AKAP13: variants seen among roughly 807,000 people sequenced by gnomAD.
AKAP13 encodes the protein A-kinase anchoring protein 13, also known as A-kinase anchor protein 13.
AKAP13 carries 80 observed loss-of-function variants against 264.5 expected under a neutral mutation model. The ratio of observed to expected loss-of-function variants is 0.30; its 90% CI spans 0.25 to 0.36. The LOEUF is 0.36. Among genes scored for constraint, AKAP13 ranks in the 10% least tolerant of loss-of-function variants. The pLI is 1.00. For missense variants in AKAP13, 3,712 were observed against 3,435.2 expected, an observed-to-expected ratio of 1.08 and a Z score of -2.01; for synonymous variants, 1,380 against 1,250.2, an observed-to-expected ratio of 1.10 and a Z score of -2.19.
chr15:85,686,466 A>G (rs1281115617), intron 16 of AKAP13, among the ~76,000 whole-genome samples: 2 of 152,180 alleles, frequency 1.3e-5, no homozygotes, highest in African/African-American at 4.8e-5. Flanking sequence ...AACGTGCCAC[A>G]AGAATTGTGT....
chr15:85,401,296 G>A (rs567950786), intron 1 of AKAP13, among the ~76,000 whole-genome samples: 3 of 40,730 alleles, frequency 7.4e-5, no homozygotes, highest in African/African-American at 3.2e-4. Context: ...TAGTATACCT[G>A]ATTATTGAAC....
chr15:85,599,587 G>T (rs729858), intron 8 of AKAP13, among the ~76,000 whole-genome samples: 94,225 of 152,006 alleles, frequency 0.62, 29,357 homozygotes, highest in Middle Eastern at 0.72. Context: ...TCCCAGAAGG[G>T]GGGAGGTGGG....
At position 85,727,605 on chromosome 15, in the gene AKAP13, T is replaced by C. The variant is rs965560390; in HGVS notation, c.7087+142T>C. 1.2e-6 allele frequency: 1 copy of C among 822,340 alleles called. No individual in the cohort carries two copies. The highest frequency in any genetic ancestry group is 1.9e-6 in the Non-Finnish European group (1 of 521,150). The allele number at this position is 822,340 out of a possible 1,614,324, so 50.9% of individuals were successfully genotyped here. A position where few individuals can be genotyped will look rare whatever the true frequency, so the allele number is the denominator to read the frequency against. On this transcript the variant is annotated intron_variant, in intron 29 of 36. Transcript: ENST00000394518. The surrounding 1 kb of genome is among the most constrained non-coding windows in gnomAD (Gnocchi z 5.3). ...ACTTGAAAGCAGCAAAATGAATAGC[T>C]GTTAACAAAAGAGAAACCAAGGCCA...
intron 8 of AKAP13, among the ~76,000 whole-genome samples, chr15:85,629,619 C>G (rs898998323): frequency 6.6e-6 from 1 of 152,068 alleles, no homozygotes; most frequent in African/African-American, 2.4e-5. Context: ...GTATGCTCTC[C>G]ACAAATCACC....
At position 85,629,764 on chromosome 15, in the gene AKAP13, C is replaced by T. The variant is rs1363822481; in HGVS notation, c.4162-9610C>T. Among the ~76,000 whole-genome samples, 120 of 50,526 alleles carry T rather than the reference C, an allele frequency of 2.4e-3. 1 individual carries two copies. Among genetic ancestry groups the T allele is most frequent in the Admixed American group, 1.8e-3 (5 of 2,760 alleles). The allele number at this position is 50,526 out of a possible 152,430, so 33.1% of individuals were successfully genotyped here. On this transcript the variant is annotated intron_variant, in intron 8 of 36. Coordinates refer to ENST00000394518, the MANE Select transcript of AKAP13 (RefSeq NM_007200.5). ...GAAATATAATGAGTTCCTTTACAGC[C>T]TTTTTTTTTTTTTTTTTTTTTTTTT...
rs138268994 is a variant in AKAP13 at position 85,686,066 on chromosome 15, C to A, written c.5289+1193C>A. Among the ~76,000 whole-genome samples the A allele has an allele frequency of 4.5e-3, 687 of 152,164 alleles. 43 individuals carry two copies. In the East Asian group the frequency reaches 0.11, roughly 24 times the overall value. On this transcript the variant is annotated intron_variant, in intron 16 of 36. Coordinates refer to ENST00000394518, the MANE Select transcript of AKAP13 (RefSeq NM_007200.5). ...TCGCCTCTCACACCCTGTTCATCTA[C>A]CCACAACACCCTCTAACAAAATAAA...
chr15:85,662,403 C>T (rs762523401), intron 12 of AKAP13: 5 of 1,614,122 alleles, frequency 3.1e-6, no homozygotes, highest in East Asian at 4.5e-5. Context: ...GCTGGTGCCC[C>T]TCTGGTGTGC....
intron 13 of AKAP13, 30 bp from the exon 14 acceptor site, chr15:85,669,692 C>T (rs1268747552): frequency 2.7e-6 from 4 of 1,477,702 alleles, no homozygotes; most frequent in Non-Finnish European, 3.8e-6. Flanking sequence ...TATATGCTTA[C>T]AACGTGTTCT....
intron 1 of AKAP13, among the ~76,000 whole-genome samples, chr15:85,418,426 G>A (rs1289304095): frequency 1.3e-5 from 2 of 152,132 alleles, no homozygotes; most frequent in African/African-American, 2.4e-5. Context: ...TAGATGTATA[G>A]CACATCTCAG....
intron 16 of AKAP13, among the ~76,000 whole-genome samples, chr15:85,692,780 A>G (rs1476715218): frequency 3.9e-5 from 6 of 152,238 alleles, no homozygotes; most frequent in African/African-American, 1.4e-4. Flanking sequence ...ACTTAGGGAT[A>G]TGCAATTGAT....
chr15:85,627,173 G>C (rs550939875), intron 8 of AKAP13, among the ~76,000 whole-genome samples: 4 of 152,042 alleles, frequency 2.6e-5, no homozygotes, highest in African/African-American at 4.8e-5. Flanking sequence ...GTTATCTCAA[G>C]AACAAATGAA....
intron 5 of AKAP13, among the ~76,000 whole-genome samples, chr15:85,552,257 A>T (rs952484392): frequency 1.3e-5 from 2 of 152,204 alleles, no homozygotes; most frequent in African/African-American, 4.8e-5. Flanking sequence ...AACAGCATAT[A>T]CAACTTGTCC....
Position 85,669,723 on chromosome 15 carries a change from T to G in AKAP13, c.4994T>G (p.Ile1665Arg), listed in dbSNP as rs750663220. ...QREHRMFDQQ[I>R]CHRSKQQGFN... ...GTTCTTCACTTTTTTACTTCACAGA[T>G]ATGTCACAGATCTAAGCAGCAGGGA... The change falls in exon 14 of 37, where the codon ATA becomes AGA. Residue 1665 changes from isoleucine to arginine, a missense_variant and splice_region_variant. Physicochemically the swap from Ile to Arg is moderately conservative, Grantham distance 97 (BLOSUM62 -3). Coordinates refer to ENST00000394518, the MANE Select transcript of AKAP13 (RefSeq NM_007200.5). 6.2e-7 allele frequency: 1 copy of G among 1,605,590 alleles called. No individual in the cohort carries two copies. Among genetic ancestry groups the G allele is most frequent in the East Asian group, 2.2e-5 (1 of 44,788 alleles).
At chr15:85,555,119 C>T (rs2078096381) in intron 5 of AKAP13, among the ~76,000 whole-genome samples, 1 of 151,852 alleles carries the variant, frequency 6.6e-6, no homozygotes, top group South Asian at 2.1e-4. Context: ...GCATATCTGA[C>T]CATAACTAGC....
intron 23 of AKAP13, among the ~76,000 whole-genome samples, chr15:85,721,756 C>T (rs2087301192): frequency 6.6e-6 from 1 of 152,226 alleles, no homozygotes; most frequent in Non-Finnish European, 1.5e-5. Flanking sequence ...TTTTTCAAAT[C>T]TGTATAACAG....
At chr15:85,525,391 T>C (rs919226640) in intron 3 of AKAP13, among the ~76,000 whole-genome samples, 1 of 152,178 alleles carries the variant, frequency 6.6e-6, no homozygotes, top group Non-Finnish European at 1.5e-5. Context: ...GAGCATGTTA[T>C]TTTTATGATA....
chr15:85,596,835 C>T (rs1447924728), intron 8 of AKAP13, among the ~76,000 whole-genome samples: 5 of 152,084 alleles, frequency 3.3e-5, no homozygotes, highest in Middle Eastern at 3.4e-3. Flanking sequence ...ATGTGAGATA[C>T]GTGTGTATGT....
chr15:85,520,356 G>A (rs148519130), intron 2 of AKAP13, among the ~76,000 whole-genome samples: 3 of 152,020 alleles, frequency 2.0e-5, no homozygotes, highest in Non-Finnish European at 4.4e-5. Flanking sequence ...AATTTAGCTG[G>A]GCGTGGTGGT....
chr15:85,666,860 C>T (rs549977074), intron 13 of AKAP13, among the ~76,000 whole-genome samples: 4 of 152,316 alleles, frequency 2.6e-5, no homozygotes, highest in Non-Finnish European at 4.4e-5. Flanking sequence ...TCCTCATTAT[C>T]ACTTACCACT....
Sources: allele counts gnomAD v4.1 joint callset (sites outside exome capture counted in the v4.1 genomes callset), GRCh38; gene constraint gnomAD v4.1.1; non-coding constraint Gnocchi (gnomAD v3.1); transcripts MANE v1.5; gene names NCBI Gene and HGNC (gene_info 2026-07-23, HGNC 2026-07-21).